The following SMIM14 variants were observed in gnomAD, a reference collection of about 807,000 sequenced individuals.
The protein encoded by SMIM14 is chromosome 4 open reading frame 34.
Under a neutral mutation model 12.6 loss-of-function variants are expected in SMIM14, and 5 were observed. The ratio of observed to expected loss-of-function variants is 0.40; its 90% confidence interval spans 0.21 to 0.83. SMIM14 has a LOEUF of 0.83. Among genes scored for constraint, SMIM14 ranks in the 40% least tolerant of loss-of-function variants. The probability of loss-of-function intolerance (pLI) is 0.37; values close to 1 mark genes in which losing one functional copy is unlikely to be tolerated. For synonymous variants in SMIM14, 30 were observed against 40.1 expected (o/e 0.75, Z 0.95); for missense variants, 86 against 119.1 (o/e 0.72, Z 1.29).
At position 39,603,285 on chromosome 4, in the gene SMIM14, G is replaced by A. The variant is rs552327525; in HGVS notation, c.75+1786C>T. Among the ~76,000 whole-genome samples the A allele has an allele frequency of 5.9e-5, 9 of 152,232 alleles. No individual in the cohort carries two copies. In the East Asian group the frequency reaches 7.7e-4, roughly 13 times the overall value. ...AGTATAAAGTATAATATAGCTGGGC[G>A]CGGTGGCTCATGCCTGTAATCCCAG... On this transcript the variant is annotated intron_variant, in intron 2 of 4. Coordinates refer to ENST00000295958, the MANE Select transcript of SMIM14 (RefSeq NM_174921.3).
chr4:39,546,740 G>T lies in SMIM14; in HGVS notation c.*5386C>A, dbSNP rs975620528. 1.3e-5 allele frequency: 2 copies of T among 152,200 alleles called. No homozygotes were observed. Among genetic ancestry groups the T allele is most frequent in the Non-Finnish European group, 2.9e-5 (2 of 68,028 alleles). The allele number at this position is 152,200 out of a possible 1,614,324, so 9.4% of individuals were successfully genotyped here. ...ATCATAAAAAGTTGACTGTCTCCAA[G>T]AAATTGTTATTTCACAAATTTATCT... On this transcript the variant is annotated 3_prime_UTR_variant, in exon 5 of 5. Coordinates refer to ENST00000295958, the MANE Select transcript of SMIM14 (RefSeq NM_174921.3).
At position 39,546,345 on chromosome 4, in the gene SMIM14, G is replaced by A. The variant is rs1298444316; in HGVS notation, c.*5781C>T. The A allele has an allele frequency of 6.6e-6, 1 of 152,152 alleles. No homozygotes were observed. Among genetic ancestry groups the A allele is most frequent in the East Asian group, 1.9e-4 (1 of 5,204 alleles). 9.4% of individuals were successfully genotyped at this position (152,152 alleles called of 1,614,324 possible). On this transcript the variant is annotated 3_prime_UTR_variant, in exon 5 of 5. Transcript: ENST00000295958. ...GAAACAAGTATAAAAATTTGTTGAA[G>A]TGTTTATTGAACGAACATAATACAT...
intron 2 of SMIM14, chr4:39,594,652 C>T (rs1379637521): frequency 1.4e-5 from 2 of 147,930 alleles, no homozygotes; most frequent in Admixed American, 1.4e-4. Flanking sequence ...GCAACCTACT[C>T]ATCTGACAAA....
chr4:39,620,939 A>G (rs1327302333), intron 1 of SMIM14: 1 of 152,208 alleles, frequency 6.6e-6, no homozygotes, highest in Non-Finnish European at 1.5e-5. Flanking sequence ...TTATATTTAT[A>G]TATCAAAATT....
intron 2 of SMIM14, among the ~76,000 whole-genome samples, chr4:39,583,545 A>G (rs1713623302): frequency 6.6e-6 from 1 of 152,096 alleles, no homozygotes; most frequent in Non-Finnish European, 1.5e-5. Flanking sequence ...AATAAAACAT[A>G]AAGCCCCTAT....
At chr4:39,612,370 T>C (rs1313606635) in intron 1 of SMIM14, among the ~76,000 whole-genome samples, 1 of 152,104 alleles carries the variant, frequency 6.6e-6, no homozygotes, top group Non-Finnish European at 1.5e-5. Flanking sequence ...TTCTCCCGCC[T>C]CAGCCTCCCA....
At chr4:39,626,989 G>A (rs780468965) in intron 1 of SMIM14, among the ~76,000 whole-genome samples, 1 of 152,140 alleles carries the variant, frequency 6.6e-6, no homozygotes, top group Non-Finnish European at 1.5e-5. Context: ...CTTACAAACA[G>A]AAATTTACTT....
At chr4:39,597,085 C>T (rs6823263) in intron 2 of SMIM14, among the ~76,000 whole-genome samples, 37,999 of 135,170 alleles carry the variant, frequency 0.28, 6,542 homozygotes, top group East Asian at 0.42. Context: ...CCAGGTTTCC[C>T]TTTTTTTTTT....
chr4:39,597,085 CTTTTT>C (rs35373264), intron 2 of SMIM14, among the ~76,000 whole-genome samples: 1 of 133,744 alleles, frequency 7.5e-6, no homozygotes, highest in Non-Finnish European at 1.6e-5. Context: ...CCAGGTTTCC[CTTTTT>C]TTTTTTTTTT....
intron 2 of SMIM14, among the ~76,000 whole-genome samples, chr4:39,573,101 T>A (rs1163247591): frequency 1.4e-5 from 2 of 145,384 alleles, no homozygotes; most frequent in African/African-American, 5.5e-5. Context: ...TTATTATTAT[T>A]TTATTATTAT....
chr4:39,617,082 A>T (rs1383687187), intron 1 of SMIM14, among the ~76,000 whole-genome samples: 1 of 152,186 alleles, frequency 6.6e-6, no homozygotes, highest in Admixed American at 6.5e-5. Flanking sequence ...TTTTTGAACC[A>T]AATTACATAT....
chr4:39,575,108 GT>G (rs1713105281), intron 2 of SMIM14, among the ~76,000 whole-genome samples: 1 of 140,972 alleles, frequency 7.1e-6, no homozygotes. Context: ...TTGAGACAGA[GT>G]TTCACTTTGT....
At chr4:39,561,833 G>C (rs1560283564) in intron 3 of SMIM14, among the ~76,000 whole-genome samples, 1 of 152,040 alleles carries the variant, frequency 6.6e-6, no homozygotes, top group Non-Finnish European at 1.5e-5. Flanking sequence ...TACTTGGGGG[G>C]TTGTAGCGGA....
At chr4:39,577,891 T>C (rs1334626574) in intron 2 of SMIM14, among the ~76,000 whole-genome samples, 1 of 152,228 alleles carries the variant, frequency 6.6e-6, no homozygotes, top group Non-Finnish European at 1.5e-5. Context: ...TGTTGGATCC[T>C]GCCCTTCTGT....
intron 2 of SMIM14, among the ~76,000 whole-genome samples, chr4:39,591,579 A>G (rs1714082393): frequency 6.6e-6 from 1 of 151,774 alleles, no homozygotes; most frequent in East Asian, 1.9e-4. Flanking sequence ...TTTTTTTGAG[A>G]CAGTCTCCCT....
At chr4:39,635,896 G>C (rs917057466) in intron 1 of SMIM14, among the ~76,000 whole-genome samples, 20 of 152,084 alleles carry the variant, frequency 1.3e-4, no homozygotes, top group African/African-American at 4.8e-4. Context: ...ATGTGGGCCA[G>C]GTGAAGTGGC....
At chr4:39,623,478 T>C (rs996384250) in intron 1 of SMIM14, among the ~76,000 whole-genome samples, 10 of 152,234 alleles carry the variant, frequency 6.6e-5, no homozygotes, top group African/African-American at 9.6e-5. Flanking sequence ...TTATTGTGAT[T>C]TTAAAGAATA....
chr4:39,564,660 T>C (rs1036322546), intron 3 of SMIM14, among the ~76,000 whole-genome samples: 3 of 152,196 alleles, frequency 2.0e-5, no homozygotes, highest in Non-Finnish European at 4.4e-5. Flanking sequence ...CATCCTCTCT[T>C]TTGTTTAAAG....
Position 39,552,163 on chromosome 4 carries a change from C to CT in SMIM14, c.268-6_268-5insA, listed in dbSNP as rs1400979531. 1 of 1,579,780 alleles carries CT rather than the reference C, an allele frequency of 6.3e-7. No homozygotes were observed. The highest frequency in any genetic ancestry group is 1.2e-5 in the South Asian group (1 of 83,008). On this transcript the variant is annotated splice_polypyrimidine_tract_variant and splice_region_variant and intron_variant, in intron 4 of 4. Transcript: ENST00000295958. Reference sequence around the variant, plus strand: ...AGGAGCTGGTGGATCTTGTCCCTGGCATTAGAAAGAAATAAATTATTTAAT... The same window carrying CT: ...AGGAGCTGGTGGATCTTGTCCCTGGCTATTAGAAAGAAATAAATTATTTAAT...
Sources: allele counts gnomAD v4.1 joint callset (sites outside exome capture counted in the v4.1 genomes callset), GRCh38; gene constraint gnomAD v4.1.1; transcripts MANE v1.5; gene names NCBI Gene and HGNC (gene_info 2026-07-23, HGNC 2026-07-21).